The following FAT4 variants were observed in gnomAD, a reference collection of about 807,000 sequenced individuals.
The protein encoded by FAT4 is FAT atypical cadherin 4.
In FAT4, 84 loss-of-function variants were observed where a neutral mutation model predicts 303.9. The ratio of observed to expected loss-of-function variants is 0.28; its 90% CI spans 0.23 to 0.33. The LOEUF (loss-of-function observed/expected upper bound fraction) is 0.33, where lower values mean the gene tolerates loss of function less well. FAT4 is among the 10% of genes least tolerant of loss of function. The pLI, the probability that FAT4 is intolerant of heterozygous loss-of-function variation, is 1.00. For synonymous variants in FAT4, 2,307 were observed against 2,298.8 expected (o/e 1.00, Z -0.10); for missense variants, 6,005 against 6,146.8 (o/e 0.98, Z 0.77).
chr4:125,316,315 C>G lies in FAT4; in HGVS notation c.-12-85C>G. 1.4e-6 allele frequency: 2 copies of G among 1,474,348 alleles called. No individual in the cohort carries two copies. Among genetic ancestry groups the G allele is most frequent in the Non-Finnish European group, 1.8e-6 (2 of 1,107,326 alleles). The allele number at this position is 1,474,348 out of a possible 1,614,324, so 91.3% of individuals were successfully genotyped here. On this transcript the variant is annotated intron_variant, in intron 1 of 17. Transcript: ENST00000394329. This position sits in a 1 kb window ranked among gnomAD's most constrained non-coding sequence, Gnocchi z 5.7. ...CAGAGGTCTCAGACCAAGCCGTCAG[C>G]TGAATCTTTGCTGGCGCTCCTTAAT...
At position 125,318,857 on chromosome 4, in the gene FAT4, T is replaced by C. The variant is rs1730786418; in HGVS notation, c.2446T>C (p.Ser816Pro). The C allele has an allele frequency of 1.9e-6, 3 of 1,614,174 alleles. No individual in the cohort carries two copies. The highest frequency in any genetic ancestry group is 2.5e-6 in the Non-Finnish European group (3 of 1,180,036). Residue 816 changes from serine to proline, a missense_variant, in exon 2 of 18, where the codon TCT becomes CCT. By Grantham distance (74) the Ser-to-Pro change is moderately conservative. Coordinates refer to ENST00000394329, the MANE Select transcript of FAT4 (RefSeq NM_001291303.3). ...VALGYHVGSV[S>P]ASTMDLNSNI... Reference sequence around the variant, plus strand: ...GCTGGGATATCATGTGGGTAGTGTGTCTGCATCCACCATGGATCTCAATTC... The same window carrying C: ...GCTGGGATATCATGTGGGTAGTGTGCCTGCATCCACCATGGATCTCAATTC...
chr4:125,358,550 A>G (rs1732525498), intron 2 of FAT4, among the ~76,000 whole-genome samples: 1 of 152,068 alleles, frequency 6.6e-6, no homozygotes, highest in Non-Finnish European at 1.5e-5. Context: ...CGCACTTCAC[A>G]ATAGGGTTTG....
rs1302283843 is a variant in FAT4, at chr4:125,317,397, G to A, written c.986G>A (p.Gly329Asp). Reference protein sequence around the residue: ...YSLTVQAMDRGVPSLTGRAEA... With the variant: ...YSLTVQAMDRDVPSLTGRAEA... Reference sequence around the variant, plus strand: ...CTTACGGTGCAGGCGATGGACAGAGGCGTGCCTTCCCTCACTGGGCGCGCC... The same window carrying A: ...CTTACGGTGCAGGCGATGGACAGAGACGTGCCTTCCCTCACTGGGCGCGCC... Residue 329 changes from glycine (G) to aspartate (D), a missense_variant, in exon 2 of 18, where the codon GGC becomes GAC. Physicochemically the swap from Gly to Asp is moderately conservative, Grantham distance 94. Transcript: ENST00000394329. The surrounding 1 kb of genome is among the most constrained non-coding windows in gnomAD (Gnocchi z 7.0). 6.2e-7 allele frequency: 1 copy of A among 1,613,398 alleles called. No individual in the cohort carries two copies. The highest frequency in any genetic ancestry group is 8.5e-7 in the Non-Finnish European group (1 of 1,180,048).
At chr4:125,345,477 A>G (rs1482858948) in intron 2 of FAT4, among the ~76,000 whole-genome samples, 1 of 151,858 alleles carries the variant, frequency 6.6e-6, no homozygotes, top group African/African-American at 2.4e-5. Context: ...AAGTGGTGAC[A>G]AAAATACTTA....
chr4:125,319,686 A>G lies in FAT4; in HGVS notation c.3275A>G (p.Asp1092Gly), dbSNP rs1266587965. 2.5e-6 allele frequency: 4 copies of G among 1,614,112 alleles called. No homozygotes were observed. The highest frequency in any genetic ancestry group is 2.5e-6 in the Non-Finnish European group (3 of 1,179,944). Residue 1092 changes from aspartate to glycine, a missense_variant, in exon 2 of 18, where the codon GAT (aspartate) becomes GGT (glycine). By Grantham distance (94) the Asp-to-Gly change is moderately conservative. Coordinates refer to ENST00000394329, the MANE Select transcript of FAT4 (RefSeq NM_001291303.3). ...GTGAATGTTACTGTAATTTTAGAAG[A>G]TGTAAATGATAACAGACCTCTTTTT... Reference protein sequence around the residue: ...ATVNVTVILEDVNDNRPLFNS... With the variant: ...ATVNVTVILEGVNDNRPLFNS...
Position 125,317,358 on chromosome 4 carries a change from G to A in FAT4, c.947G>A (p.Arg316Gln). 8 of 1,612,924 alleles carry A rather than the reference G, an allele frequency of 5.0e-6. No homozygotes were observed. Among genetic ancestry groups the A allele is most frequent in the Non-Finnish European group, 5.9e-6 (7 of 1,179,646 alleles). ...CGGGAGCCCCTGGACTTCGAAGCTC[G>A]GCGCCAATACTCGCTTACGGTGCAG... is the stretch of plus-strand genomic sequence containing the variant. ...TVREPLDFEARRQYSLTVQAM... is the reference protein window; with the variant it reads ...TVREPLDFEAQRQYSLTVQAM... The change falls in exon 2 of 18, where the codon CGG becomes CAG. Residue 316 changes from arginine to glutamine, a missense_variant. Physicochemically the swap from Arg to Gln is conservative, Grantham distance 43 (BLOSUM62 1). Transcript: ENST00000394329. The surrounding 1 kb of genome is among the most constrained non-coding windows in gnomAD (Gnocchi z 7.0).
intron 12 of FAT4, among the ~76,000 whole-genome samples, chr4:125,472,275 T>C (rs1386665696): frequency 6.6e-6 from 1 of 152,182 alleles, no homozygotes; most frequent in Admixed American, 6.5e-5. Context: ...ATCTTTAAAA[T>C]ATATGACAAC....
At chr4:125,344,094 G>A (rs1731907441) in intron 2 of FAT4, among the ~76,000 whole-genome samples, 1 of 152,128 alleles carries the variant, frequency 6.6e-6, no homozygotes, top group Non-Finnish European at 1.5e-5. Flanking sequence ...TCAATTACTA[G>A]AATGCAAAAA....
chr4:125,315,053 G>T lies in FAT4; in HGVS notation c.-937G>T, dbSNP rs970765112. Among the ~76,000 whole-genome samples the T allele has an allele frequency of 3.3e-5, 5 of 152,010 alleles. No homozygotes were observed. The highest frequency in any genetic ancestry group is 2.1e-4 in the South Asian group (1 of 4,818). On this transcript the variant is annotated 5_prime_UTR_variant, in exon 1 of 18. Transcript: ENST00000394329. ...CCCTCTGTTTGTGTTTCGGCGACGC[G>T]CTGTGTGTGTGTGTGTGCGTGTGTA...
chr4:125,343,243 C>T (rs553232145), intron 2 of FAT4, among the ~76,000 whole-genome samples: 5 of 152,178 alleles, frequency 3.3e-5, no homozygotes, highest in East Asian at 1.9e-4. Flanking sequence ...TCAGACAGGG[C>T]GGATGATATT....
Position 125,454,960 on chromosome 4 carries a change from A to C in FAT4, c.11800+2150A>C, listed in dbSNP as rs188814826. 8.7e-4 allele frequency among the ~76,000 whole-genome samples: 132 copies of C among 152,324 alleles called. 1 individual carries two copies. Among genetic ancestry groups the C allele is most frequent in the African/African-American group, 3.0e-3 (126 of 41,586 alleles). On this transcript the variant is annotated intron_variant, in intron 10 of 17. Coordinates refer to ENST00000394329, the MANE Select transcript of FAT4 (RefSeq NM_001291303.3). ...GAGGAGTACCACAGAATTTTTAAAA[A>C]GACATGAAACCTGTGTAGCGGAAGT...
At chr4:125,407,796 T>C (rs755291427) in intron 4 of FAT4, among the ~76,000 whole-genome samples, 3 of 152,160 alleles carry the variant, frequency 2.0e-5, no homozygotes, top group Non-Finnish European at 4.4e-5. Flanking sequence ...TGTGTGTGTG[T>C]ATGCTTCATT....
intron 12 of FAT4, among the ~76,000 whole-genome samples, chr4:125,471,386 A>G (rs1726850393): frequency 6.6e-6 from 1 of 152,220 alleles, no homozygotes; most frequent in African/African-American, 2.4e-5. Context: ...GTAAAAAATA[A>G]AATATCTGCA....
At chr4:125,380,146 G>A (rs1409616612) in intron 2 of FAT4, among the ~76,000 whole-genome samples, 3 of 152,104 alleles carry the variant, frequency 2.0e-5, no homozygotes, top group Non-Finnish European at 4.4e-5. Flanking sequence ...ACCTGCCTCG[G>A]CCTCCCAAAG....
At chr4:125,460,666 T>A (rs1176752560) in intron 10 of FAT4, among the ~76,000 whole-genome samples, 1 of 152,178 alleles carries the variant, frequency 6.6e-6, no homozygotes, top group Admixed American at 6.6e-5. Context: ...GTACCACATT[T>A]TCTTTATCCA....
At chr4:125,454,306 A>G (rs1441491473) in intron 10 of FAT4, among the ~76,000 whole-genome samples, 1 of 152,234 alleles carries the variant, frequency 6.6e-6, no homozygotes. Flanking sequence ...AAAATGTTGA[A>G]ACAGAACATG....
chr4:125,383,942 C>T (rs1411876290), intron 2 of FAT4, among the ~76,000 whole-genome samples: 6 of 152,162 alleles, frequency 3.9e-5, no homozygotes. Context: ...TTGTCACTGC[C>T]CTATCAGACT....
rs148438656 is a variant in FAT4, at chr4:125,379,712, G to A, written c.5176-19072G>A. Reference sequence around the variant, plus strand: ...TGACCTCAGGTAATCCACCCACCTCGGCCTCCCAAAGTGCTTGGATTACAG... The same window carrying A: ...TGACCTCAGGTAATCCACCCACCTCAGCCTCCCAAAGTGCTTGGATTACAG... On this transcript the variant is annotated intron_variant, in intron 2 of 17. Transcript: ENST00000394329. Among the ~76,000 whole-genome samples the A allele has an allele frequency of 1.5e-3, 234 of 151,924 alleles. 1 individual carries two copies. The highest frequency in any genetic ancestry group is 5.2e-3 in the African/African-American group (214 of 41,442).
intron 8 of FAT4, among the ~76,000 whole-genome samples, chr4:125,440,610 T>TGTGTGAGAGA (rs372756130): frequency 0.044 from 3,317 of 75,750 alleles, 100 homozygotes; most frequent in Middle Eastern, 0.065. Flanking sequence ...TGTGTGTGTG[T>TGTGTGAGAGA]GAGAGAGAGA....
Sources: allele counts gnomAD v4.1 joint callset (sites outside exome capture counted in the v4.1 genomes callset), GRCh38; gene constraint gnomAD v4.1.1; non-coding constraint Gnocchi (gnomAD v3.1); transcripts MANE v1.5; gene names NCBI Gene and HGNC (gene_info 2026-07-23, HGNC 2026-07-21).